The following RRN3 variants were observed in gnomAD, a reference collection of about 807,000 sequenced individuals.
RRN3 encodes the protein RNA polymerase I transcription factor RRN3, also known as RNA polymerase I-specific transcription initiation factor RRN3.
RRN3 carries 38 observed loss-of-function variants against 82.3 expected under a neutral mutation model. That is an observed-to-expected ratio of 0.46 (90% CI 0.36 to 0.61). The LOEUF (loss-of-function observed/expected upper bound fraction) is 0.61, where lower values mean the gene tolerates loss of function less well. Among genes scored for constraint, RRN3 ranks in the 20% least tolerant of loss-of-function variants. RRN3 has a pLI of 0.00. For synonymous variants in RRN3, 284 were observed against 284.3 expected (o/e 1.00, Z 0.01); for missense variants, 726 against 793.1 (o/e 0.92, Z 1.02).
chr16:15,068,174 G>A lies in RRN3; in HGVS notation c.1548C>T (p.Ile516=). 2 of 1,574,408 alleles carry A rather than the reference G, an allele frequency of 1.3e-6. No individual in the cohort carries two copies. Among genetic ancestry groups the A allele is most frequent in the Non-Finnish European group, 1.7e-6 (2 of 1,157,980 alleles). The change falls in exon 15 of 18, where the codon ATC becomes ATT. Residue 516 remains isoleucine, a synonymous_variant. Transcript: ENST00000198767. ...AGAAAGCGTAAATAACTTACTTTGT[G>A]ATTGCAGCAAAAAAGTTAACCACTG... The part of the protein sequence containing the change: ...LPSVVNFFAA[I]TNKYQLVFCY...
rs193002271 is a variant in RRN3, at chr16:15,066,918, C to T, written c.1553+1251G>A. Among the ~76,000 whole-genome samples the T allele has an allele frequency of 1.0e-3, 156 of 152,114 alleles. 1 individual carries two copies. The highest frequency in any genetic ancestry group is 4.4e-4 in the Non-Finnish European group (30 of 67,988). ...TCCAATGCGCATGCCAACCCCAAAT[C>T]GAGAGCCCCTGGACCAGATGGTTCA... On this transcript the variant is annotated intron_variant, in intron 15 of 17. Transcript: ENST00000198767.
At chr16:15,084,822 T>C (rs1326811380) in intron 6 of RRN3, 117 bp from the exon 7 acceptor site, 10 of 754,478 alleles carry the variant, frequency 1.3e-5, no homozygotes, top group Non-Finnish European at 1.9e-5. Flanking sequence ...TCCCAGCACT[T>C]TGGGAGGCCG....
intron 3 of RRN3, among the ~76,000 whole-genome samples, chr16:15,090,879 T>C (rs959756684): frequency 2.4e-4 from 37 of 151,888 alleles, no homozygotes; most frequent in South Asian, 4.1e-4. Context: ...GTTTGTTTTT[T>C]TTTTTTTTTT....
At chr16:15,082,183 G>A (rs1350839251) in intron 8 of RRN3, among the ~76,000 whole-genome samples, 1 of 152,086 alleles carries the variant, frequency 6.6e-6, no homozygotes, top group Non-Finnish European at 1.5e-5. Context: ...AAAACTTTTG[G>A]TCTTTCACCA....
At chr16:15,088,044 A>G (rs2045978406) in intron 3 of RRN3, among the ~76,000 whole-genome samples, 1 of 152,094 alleles carries the variant, frequency 6.6e-6, no homozygotes, top group African/African-American at 2.4e-5. Flanking sequence ...AAAAACTCGG[A>G]GGCAGAGGTT....
chr16:15,092,902 T>G (rs1452765187), intron 1 of RRN3, among the ~76,000 whole-genome samples: 1 of 152,234 alleles, frequency 6.6e-6, no homozygotes, highest in African/African-American at 2.4e-5. Flanking sequence ...CTTGTTTTAC[T>G]ACAGCCATAA....
In RRN3 at chr16:15,072,778, G is replaced by T. The variant is rs574283007; in HGVS notation, c.1128+172C>A. Among the ~76,000 whole-genome samples, 6 of 152,026 alleles carry T rather than the reference G, an allele frequency of 3.9e-5. No homozygotes were observed. The East Asian group carries it at 1.2e-3, about 29-fold the overall frequency. ...GCGAGACTGTGTCTCAAAAAAGAAAGGAAAAGAAAACAAAAAAAGAAAGGA... is the reference window on the plus strand; with the variant it reads ...GCGAGACTGTGTCTCAAAAAAGAAATGAAAAGAAAACAAAAAAAGAAAGGA... On this transcript the variant is annotated intron_variant, in intron 12 of 17. Coordinates refer to ENST00000198767, the MANE Select transcript of RRN3 (RefSeq NM_018427.5).
chr16:15,074,635 G>T, intron 11 of RRN3, 88 bp downstream of exon 11: 1 of 928,334 alleles, frequency 1.1e-6, no homozygotes. Context: ...AGGATTTTTA[G>T]TATTACTAGA....
intron 16 of RRN3, among the ~76,000 whole-genome samples, chr16:15,064,918 G>A (rs1426856662): frequency 2.0e-5 from 3 of 152,204 alleles, no homozygotes; most frequent in African/African-American, 4.8e-5. Flanking sequence ...TGTAATCCCA[G>A]CACTTTGGGA....
chr16:15,091,246 C>A, intron 3 of RRN3, 69 bp downstream of exon 3: 14 of 1,584,228 alleles, frequency 8.8e-6, no homozygotes, highest in Non-Finnish European at 1.2e-5. Flanking sequence ...AGAATGGGAC[C>A]CAAAGAGCAA....
At chr16:15,074,443 A>G (rs2045366429) in intron 11 of RRN3, among the ~76,000 whole-genome samples, 1 of 152,190 alleles carries the variant, frequency 6.6e-6, no homozygotes, top group Non-Finnish European at 1.5e-5. Flanking sequence ...CAGCAACTTG[A>G]GCGTAATTTG....
At chr16:15,078,473 T>A (rs1271441255) in intron 9 of RRN3, among the ~76,000 whole-genome samples, 1 of 152,202 alleles carries the variant, frequency 6.6e-6, no homozygotes, top group East Asian at 1.9e-4. Context: ...TTCACTGACA[T>A]GGTCCTCCAG....
intron 7 of RRN3, 121 bp downstream of exon 7, chr16:15,084,521 T>A: frequency 1.1e-5 from 7 of 663,916 alleles, no homozygotes; most frequent in Non-Finnish European, 1.8e-5. Flanking sequence ...CTCAAGTGGA[T>A]ACAAAAAAAA....
rs141464217 is a variant in RRN3, at chr16:15,086,438, T to C, written c.269A>G (p.Asn90Ser). The C allele has an allele frequency of 2.7e-5, 43 of 1,612,834 alleles. No homozygotes were observed. The highest frequency in any genetic ancestry group is 1.7e-4 in the Middle Eastern group (1 of 5,984). ...AGAAGAACGGAATTCTAGCAGCCAG[T>C]TGATGATCTGGTCATCCTTAAGTTA... ...DPDIKDDQII[N>S]WLLEFRSSIM... The change falls in exon 4 of 18, where the codon AAC becomes AGC. Residue 90 changes from asparagine to serine, a missense_variant. Physicochemically the swap from Asn to Ser is conservative, Grantham distance 46. Around this residue, in one of 4 missense-constraint regions of RRN3, gnomAD observed 344 missense variants for 394.5 expected, o/e 0.87. Transcript: ENST00000198767.
chr16:15,088,825 T>C (rs1366327653), intron 3 of RRN3, among the ~76,000 whole-genome samples: 1 of 152,064 alleles, frequency 6.6e-6, no homozygotes, highest in Non-Finnish European at 1.5e-5. Context: ...TGGGGGGCCT[T>C]GTAAACCAGA....
At chr16:15,063,566 G>A (rs2044811788) in intron 16 of RRN3, among the ~76,000 whole-genome samples, 1 of 151,760 alleles carries the variant, frequency 6.6e-6, no homozygotes, top group Non-Finnish European at 1.5e-5. Context: ...AAATTAGCCG[G>A]GTGTGGTGGC....
At chr16:15,093,663 G>A (rs2046231671) in intron 1 of RRN3, among the ~76,000 whole-genome samples, 1 of 152,196 alleles carries the variant, frequency 6.6e-6, no homozygotes, top group Admixed American at 6.5e-5. Context: ...AAAGTTAAAC[G>A]CCAAGAGTGC....
At chr16:15,077,705 G>T (rs1179684326) in intron 9 of RRN3, among the ~76,000 whole-genome samples, 1 of 152,196 alleles carries the variant, frequency 6.6e-6, no homozygotes, top group Non-Finnish European at 1.5e-5. Context: ...GCCGGGCATG[G>T]TGGCATGTGC....
chr16:15,080,442 T>C (rs572122134), intron 8 of RRN3, among the ~76,000 whole-genome samples: 1 of 152,316 alleles, frequency 6.6e-6, no homozygotes, highest in African/African-American at 2.4e-5. Context: ...AGAACATTTA[T>C]TTTTCTTTTA....
Sources: allele counts gnomAD v4.1 joint callset (sites outside exome capture counted in the v4.1 genomes callset), GRCh38; gene constraint gnomAD v4.1.1; regional missense constraint gnomAD v4.1.1; transcripts MANE v1.5; gene names NCBI Gene and HGNC (gene_info 2026-07-23, HGNC 2026-07-21).